CACNB2: variants seen among roughly 807,000 people sequenced by gnomAD.
The protein encoded by CACNB2 is calcium voltage-gated channel auxiliary subunit beta 2.
In CACNB2, 42 loss-of-function variants were observed where a neutral mutation model predicts 73.3. The ratio of observed to expected loss-of-function variants is 0.57; its 90% confidence interval spans 0.45 to 0.74. The LOEUF (loss-of-function observed/expected upper bound fraction) is 0.74. Among genes scored for constraint, CACNB2 ranks in the 30% least tolerant of loss-of-function variants. CACNB2 has a pLI of 0.00. For missense variants in CACNB2, 940 were observed against 853.0 expected, an observed-to-expected ratio of 1.10 and a Z score of -1.27; for synonymous variants, 348 against 310.3, an observed-to-expected ratio of 1.12 and a Z score of -1.28.
At chr10:18,510,517 G>A (rs2050708382) in intron 6 of CACNB2, among the ~76,000 whole-genome samples, 1 of 152,096 alleles carries the variant, frequency 6.6e-6, no homozygotes, top group African/African-American at 2.4e-5. Flanking sequence ...TGGCCAGGTT[G>A]GCCTCGAATT....
At position 18,140,429 on chromosome 10, in the gene CACNB2, G is replaced by T. The variant is rs997312197; in HGVS notation, c.-308G>T. Among the ~76,000 whole-genome samples, 11 of 151,802 alleles carry T rather than the reference G, an allele frequency of 7.2e-5. No individual in the cohort carries two copies. The highest frequency in any genetic ancestry group is 3.9e-4 in the East Asian group (2 of 5,106). ...CGCCCGCGGCTCCGATCCCCGCCGC[G>T]CTGCGCCCGCTCTCCCGGCCCCGGC... On this transcript the variant is annotated 5_prime_UTR_variant, in exon 1 of 14. Coordinates refer to ENST00000324631, the MANE Select transcript of CACNB2 (RefSeq NM_201596.3).
At chr10:18,478,762 CAG>C (rs2048569686) in intron 3 of CACNB2, among the ~76,000 whole-genome samples, 1 of 152,122 alleles carries the variant, frequency 6.6e-6, no homozygotes, top group South Asian at 2.1e-4. Context: ...GATCCAGGAA[CAG>C]AGATAAATTT....
intron 2 of CACNB2, among the ~76,000 whole-genome samples, chr10:18,305,716 C>A (rs1016161341): frequency 2.6e-5 from 4 of 152,142 alleles, no homozygotes; most frequent in African/African-American, 7.2e-5. Flanking sequence ...AAATTAACAA[C>A]CTCACTCTGT....
rs71507267 is a variant in CACNB2 at position 18,407,109 on chromosome 10, CTTTTTTTTT to C, written c.333+5089_333+5097del. Among the ~76,000 whole-genome samples, 260 of 35,596 alleles carry C rather than the reference CTTTTTTTTT, an allele frequency of 7.3e-3. 1 individual carries two copies. Among genetic ancestry groups the C allele is most frequent in the African/African-American group, 0.016 (142 of 8,982 alleles). 23.4% of individuals were successfully genotyped at this position (35,596 alleles called of 152,430 possible). A position where few individuals can be genotyped will look rare whatever the true frequency, so the allele number is the denominator to read the frequency against. ...CTAAAGTCCAGACCTGCTGTTCTGT[CTTTTTTTTT>C]TTTTTTTTTTTTTTTTTTTTTTGAG... On this transcript the variant is annotated intron_variant, in intron 3 of 13. Coordinates refer to ENST00000324631, the MANE Select transcript of CACNB2 (RefSeq NM_201596.3).
intron 2 of CACNB2, among the ~76,000 whole-genome samples, chr10:18,286,184 AG>A (rs1447328132): frequency 2.6e-5 from 4 of 152,198 alleles, no homozygotes. Flanking sequence ...GATCCCACAA[AG>A]AATATCTGTA....
At position 18,150,825 on chromosome 10, in the gene CACNB2, G is replaced by A. The variant is rs1042384417; in HGVS notation, c.121-58G>A. On this transcript the variant is annotated intron_variant, in intron 1 of 13. Transcript: ENST00000324631. ...TTTCTGCAACTAGGCCTACATTCCT[G>A]TTAAAGGGTCTCATAATAATCTTAT... 5 of 1,090,186 alleles carry A rather than the reference G, an allele frequency of 4.6e-6. 1 individual carries two copies. In the East Asian group the frequency reaches 1.5e-4, roughly 32 times the overall value. 67.5% of individuals were successfully genotyped at this position (1,090,186 alleles called of 1,614,324 possible).
intron 2 of CACNB2, among the ~76,000 whole-genome samples, chr10:18,316,093 C>T (rs556996738): frequency 2.0e-5 from 3 of 152,202 alleles, no homozygotes; most frequent in Admixed American, 1.3e-4. Context: ...TCAGGCAGGC[C>T]AGCTCCAGGA....
At chr10:18,298,264 G>T (rs2131815537) in intron 2 of CACNB2, among the ~76,000 whole-genome samples, 1 of 152,152 alleles carries the variant, frequency 6.6e-6, no homozygotes, top group South Asian at 2.1e-4. Context: ...AGCCACTCGG[G>T]AGGCTGAGGC....
At chr10:18,232,929 T>C in intron 2 of CACNB2, among the ~76,000 whole-genome samples, 1 of 151,858 alleles carries the variant, frequency 6.6e-6, no homozygotes, top group Non-Finnish European at 1.5e-5. Context: ...CTACAAAAAG[T>C]ACAAAAAATT....
At chr10:18,323,143 G>A (rs1209141150) in intron 2 of CACNB2, among the ~76,000 whole-genome samples, 1 of 150,890 alleles carries the variant, frequency 6.6e-6, no homozygotes, top group Non-Finnish European at 1.5e-5. Context: ...TTTTTTTGTA[G>A]TGATGGGGTA....
intron 2 of CACNB2, among the ~76,000 whole-genome samples, chr10:18,239,121 A>C (rs1255173595): frequency 6.6e-6 from 1 of 152,174 alleles, no homozygotes; most frequent in Non-Finnish European, 1.5e-5. Context: ...CTTTGCTTAA[A>C]GTGTTGAACA....
chr10:18,226,388 G>A (rs2035994335), intron 2 of CACNB2, among the ~76,000 whole-genome samples: 1 of 152,158 alleles, frequency 6.6e-6, no homozygotes, highest in Non-Finnish European at 1.5e-5. Context: ...GATCCATAAT[G>A]CATTTTGTTA....
intron 2 of CACNB2, among the ~76,000 whole-genome samples, chr10:18,283,750 A>G (rs567603878): frequency 2.0e-5 from 3 of 152,100 alleles, no homozygotes; most frequent in Non-Finnish European, 2.9e-5. Flanking sequence ...GCACACCAAC[A>G]TGGCATATGT....
At chr10:18,148,941 G>T (rs2031255535) in intron 1 of CACNB2, among the ~76,000 whole-genome samples, 1 of 150,628 alleles carries the variant, frequency 6.6e-6, no homozygotes, top group Admixed American at 6.6e-5. Context: ...TGTAGTCAAG[G>T]CTGCAGTGAG....
At chr10:18,328,610 A>C (rs953501822) in intron 2 of CACNB2, among the ~76,000 whole-genome samples, 4 of 152,204 alleles carry the variant, frequency 2.6e-5, no homozygotes, top group African/African-American at 9.6e-5. Flanking sequence ...TCACATCATC[A>C]AAGACTGAAA....
Position 18,539,697 on chromosome 10 carries a change from G to A in CACNB2, c.1956G>A (p.Trp652Ter). The A allele has an allele frequency of 6.2e-7, 1 of 1,611,170 alleles. No individual in the cohort carries two copies. Among genetic ancestry groups the A allele is most frequent in the Non-Finnish European group, 8.5e-7 (1 of 1,179,448 alleles). Residue 652 changes from tryptophan (W) to a stop codon, truncating the protein, a stop_gained, in exon 14 of 14, where the codon TGG becomes TGA. Coordinates refer to ENST00000324631, the MANE Select transcript of CACNB2 (RefSeq NM_201596.3). LOFTEE classifies it high-confidence loss of function. ...AAAAACGGAATGAGGCTGGGGAGTG[G>A]AACAGGGATGTTTACATCCGCCAAT... ...ISKKRNEAGE[W>*]NRDVYIRQ
intron 2 of CACNB2, among the ~76,000 whole-genome samples, chr10:18,303,121 A>G (rs1055531223): frequency 3.9e-5 from 6 of 152,130 alleles, no homozygotes; most frequent in African/African-American, 1.4e-4. Context: ...TTGGAGTTGA[A>G]GGAATAGACA....
At chr10:18,228,444 AAAAAAG>A (rs1285798520) in intron 2 of CACNB2, among the ~76,000 whole-genome samples, 2 of 149,328 alleles carry the variant, frequency 1.3e-5, no homozygotes, top group Admixed American at 6.6e-5. Flanking sequence ...AAAAAAAAAA[AAAAAAG>A]AAAAAAAAAA....
intron 2 of CACNB2, among the ~76,000 whole-genome samples, chr10:18,157,030 C>G (rs534058470): frequency 6.6e-6 from 1 of 151,286 alleles, no homozygotes; most frequent in African/African-American, 2.4e-5. Flanking sequence ...CCATTGCACT[C>G]CTGCCTGGGC....
Sources: gnomAD v4.1 joint callset for allele counts (sites outside exome capture counted in the v4.1 genomes callset) on GRCh38, gnomAD v4.1.1 for gene constraint, MANE v1.5 for transcripts, NCBI Gene and HGNC (gene_info 2026-07-23, HGNC 2026-07-21) for gene names.